Variants in DAP observed in about 807,000 individuals in gnomAD.
The protein encoded by DAP is death-associated protein 1.
In DAP, 8 loss-of-function variants were observed where a neutral mutation model predicts 13.8. The ratio of observed to expected loss-of-function variants is 0.58; its 90% CI spans 0.34 to 1.05. The LOEUF is 1.05. Among genes scored for constraint, DAP ranks in the 50% least tolerant of loss-of-function variants. The pLI is 0.03. For synonymous variants in DAP, 47 were observed against 47.5 expected, an observed-to-expected ratio of 0.99 and a Z score of 0.04; for missense variants, 106 against 133.2, an observed-to-expected ratio of 0.80 and a Z score of 1.01.
chr5:10,726,837 C>A (rs1460704258), intron 2 of DAP, among the ~76,000 whole-genome samples: 1 of 152,162 alleles, frequency 6.6e-6, no homozygotes, highest in East Asian at 1.9e-4. Context: ...GAAAGAACGA[C>A]ATCTTAGCAC....
chr5:10,735,172 TA>T (rs57849320), intron 2 of DAP, among the ~76,000 whole-genome samples: 1 of 151,826 alleles, frequency 6.6e-6, no homozygotes, highest in Non-Finnish European at 1.5e-5. Context: ...ACAAGTAGCT[TA>T]AAAAAAATTC....
At chr5:10,753,024 G>C (rs924599287) in intron 1 of DAP, among the ~76,000 whole-genome samples, 1 of 152,206 alleles carries the variant, frequency 6.6e-6, no homozygotes, top group African/African-American at 2.4e-5. Flanking sequence ...GGGTTGCTGG[G>C]GAATGAAGGC....
chr5:10,761,022 G>T lies in DAP; in HGVS notation c.47C>A (p.Pro16Gln). The change falls in exon 1 of 4, where the codon CCG becomes CAG. Residue 16 changes from proline to glutamine, a missense_variant. Coordinates refer to ENST00000230895, the MANE Select transcript of DAP (RefSeq NM_004394.3). Reference protein sequence around the residue: ...EGKLETKAGHPPAVKAGGMRI... With the variant: ...EGKLETKAGHQPAVKAGGMRI... ...AGGAAAAGAGTCAGTACCGGCGGGC[G>T]GGTGTCCAGCTTTAGTCTCTAGTTT... 1.6e-6 allele frequency: 2 copies of T among 1,216,060 alleles called. No individual in the cohort carries two copies. The highest frequency in any genetic ancestry group is 1.0e-6 in the Non-Finnish European group (1 of 966,428). The allele number at this position is 1,216,060 out of a possible 1,614,324, so 75.3% of individuals were successfully genotyped here.
At chr5:10,738,192 A>G (rs1428660455) in intron 2 of DAP, among the ~76,000 whole-genome samples, 1 of 152,268 alleles carries the variant, frequency 6.6e-6, no homozygotes, top group Non-Finnish European at 1.5e-5. Context: ...TTGTTAAGGC[A>G]GCCCTGGGAA....
intron 2 of DAP, among the ~76,000 whole-genome samples, chr5:10,722,954 C>T (rs943550051): frequency 1.3e-5 from 2 of 152,096 alleles, no homozygotes; most frequent in Non-Finnish European, 1.5e-5. Flanking sequence ...TTCGATGTAC[C>T]GAAAAATCCT....
chr5:10,730,674 G>A (rs1295687091), intron 2 of DAP, among the ~76,000 whole-genome samples: 42 of 135,952 alleles, frequency 3.1e-4, no homozygotes, highest in Admixed American at 5.1e-4. Context: ...TGAGAGCCCT[G>A]GTGGGGGGGA....
Position 10,679,505 on chromosome 5 carries a change from C to G in DAP, c.*1551G>C, listed in dbSNP as rs966753805. On this transcript the variant is annotated 3_prime_UTR_variant, in exon 4 of 4. Transcript: ENST00000230895. ...TGGTGTTGCTGGAGCGCGGCATCCC[C>G]TCCTGGGTGCTGCTCCGAAAGGCAG... 1 of 152,448 alleles carries G rather than the reference C, an allele frequency of 6.6e-6. No individual in the cohort carries two copies. Among genetic ancestry groups the G allele is most frequent in the Non-Finnish European group, 1.5e-5 (1 of 68,118 alleles). The allele number at this position is 152,448 out of a possible 1,614,324, so 9.4% of individuals were successfully genotyped here.
chr5:10,700,009 C>T (rs1210295148), intron 2 of DAP, among the ~76,000 whole-genome samples: 1 of 152,236 alleles, frequency 6.6e-6, no homozygotes, highest in Non-Finnish European at 1.5e-5. Context: ...CTGAGGGCCC[C>T]TCTCCGAGCT....
chr5:10,739,182 A>G (rs1307640321), intron 2 of DAP, among the ~76,000 whole-genome samples: 1 of 123,922 alleles, frequency 8.1e-6, no homozygotes, highest in Non-Finnish European at 1.6e-5. Context: ...AGCCTGGGTG[A>G]CAGAGCAAGA....
intron 1 of DAP, among the ~76,000 whole-genome samples, chr5:10,757,829 A>G (rs1469980318): frequency 6.6e-6 from 1 of 152,148 alleles, no homozygotes; most frequent in Non-Finnish European, 1.5e-5. Context: ...AGGGGTGAGA[A>G]GAGGCCCTGG....
At chr5:10,739,312 T>A (rs1444743408) in intron 2 of DAP, among the ~76,000 whole-genome samples, 1 of 149,496 alleles carries the variant, frequency 6.7e-6, no homozygotes, top group African/African-American at 2.5e-5. Context: ...ATTTTTTTAG[T>A]ACTTTTTTTT....
chr5:10,730,453 A>AGGG (rs1739414872), intron 2 of DAP, among the ~76,000 whole-genome samples: 1 of 116,268 alleles, frequency 8.6e-6, no homozygotes, highest in African/African-American at 3.4e-5. Flanking sequence ...CTGGTCGAGA[A>AGGG]GAATTTTTCT....
At chr5:10,699,519 C>T (rs554251941) in intron 2 of DAP, among the ~76,000 whole-genome samples, 1 of 152,342 alleles carries the variant, frequency 6.6e-6, no homozygotes, top group South Asian at 2.1e-4. Context: ...GAAAGCAGGT[C>T]ACCATGGGTT....
chr5:10,756,866 G>A lies in DAP; in HGVS notation c.55+4148C>T, dbSNP rs1002424785. On this transcript the variant is annotated intron_variant, in intron 1 of 3. Coordinates refer to ENST00000230895, the MANE Select transcript of DAP (RefSeq NM_004394.3). The stretch of plus-strand genomic sequence containing the variant: ...TGTTAGATGAAACAGAAAGAATCTC[G>A]CTAATTCTAACTCTGCTAATCTGCA... Among the ~76,000 whole-genome samples the A allele has an allele frequency of 9.2e-5, 14 of 152,288 alleles. No homozygotes were observed. The South Asian group carries it at 1.7e-3, about 18-fold the overall frequency.
At position 10,679,313 on chromosome 5, in the gene DAP, TG is replaced by T. The variant is rs1737921207; in HGVS notation, c.*1742del. On this transcript the variant is annotated 3_prime_UTR_variant, in exon 4 of 4. Coordinates refer to ENST00000230895, the MANE Select transcript of DAP (RefSeq NM_004394.3). ...GATAAACTCATTTAGGCAAACATTTTGGATTTAATGATCTAAAGCTCACAGA... is the reference window on the plus strand; with the variant it reads ...GATAAACTCATTTAGGCAAACATTTTGATTTAATGATCTAAAGCTCACAGA... The T allele has an allele frequency of 6.6e-6, 1 of 152,378 alleles. No homozygotes were observed. Among genetic ancestry groups the T allele is most frequent in the African/African-American group, 2.4e-5 (1 of 41,454 alleles). 9.4% of individuals were successfully genotyped at this position (152,378 alleles called of 1,614,324 possible). A position where few individuals can be genotyped will look rare whatever the true frequency, so the allele number is the denominator to read the frequency against.
At position 10,687,174 on chromosome 5, in the gene DAP, G is replaced by A. The variant is rs147526668; in HGVS notation, c.153-3603C>T. ...CTCAGAAAAAAAGATTCCTTTCAAA[G>A]TATTACTGCTGATTTATAATGCTCC... On this transcript the variant is annotated intron_variant, in intron 2 of 3. Transcript: ENST00000230895. 5.9e-3 allele frequency among the ~76,000 whole-genome samples: 896 copies of A among 152,280 alleles called. 16 individuals carry two copies. Among genetic ancestry groups the A allele is most frequent in the African/African-American group, 0.02 (845 of 41,550 alleles).
chr5:10,753,385 G>C (rs1740094764), intron 1 of DAP, among the ~76,000 whole-genome samples: 1 of 152,236 alleles, frequency 6.6e-6, no homozygotes, highest in Non-Finnish European at 1.5e-5. Flanking sequence ...CAAAGGAACG[G>C]CCTACAGACA....
At chr5:10,688,761 T>A (rs551678393) in intron 2 of DAP, among the ~76,000 whole-genome samples, 1 of 152,040 alleles carries the variant, frequency 6.6e-6, no homozygotes, top group Non-Finnish European at 1.5e-5. Context: ...GTCTACCCTG[T>A]GAGTACGCCA....
intron 2 of DAP, among the ~76,000 whole-genome samples, chr5:10,687,948 C>T (rs1444543535): frequency 1.4e-5 from 2 of 139,496 alleles, no homozygotes; most frequent in Admixed American, 1.5e-4. Context: ...GAGGGTCTCA[C>T]TCTGTTGCCC....
Sources: gnomAD v4.1 joint callset for allele counts (sites outside exome capture counted in the v4.1 genomes callset) on GRCh38, gnomAD v4.1.1 for gene constraint, MANE v1.5 for transcripts, NCBI Gene and HGNC (gene_info 2026-07-23, HGNC 2026-07-21) for gene names.